ASAP1: variants seen among roughly 807,000 people sequenced by gnomAD.
ASAP1 encodes ArfGAP with SH3 domain, ankyrin repeat and PH domain 1, also known as arf-GAP with SH3 domain, ANK repeat and PH domain-containing protein 1.
In ASAP1, 43 loss-of-function variants were observed where a neutral mutation model predicts 145.2. The observed-to-expected ratio is 0.30, with a 90% CI of 0.23 to 0.38. ASAP1 has a LOEUF of 0.38. Ranked by LOEUF, ASAP1 falls within the 10% of genes least tolerant of loss-of-function variation. The pLI, the probability that ASAP1 is intolerant of heterozygous loss-of-function variation, is 1.00. For synonymous variants in ASAP1, 546 were observed against 515.5 expected, an observed-to-expected ratio of 1.06 and a Z score of -0.80; for missense variants, 1,018 against 1,355.3, an observed-to-expected ratio of 0.75 and a Z score of 3.91.
At chr8:130,395,374 G>A (rs1381725740) in intron 2 of ASAP1, among the ~76,000 whole-genome samples, 11 of 152,230 alleles carry the variant, frequency 7.2e-5, no homozygotes, top group Non-Finnish European at 1.3e-4. Flanking sequence ...GGTCTTTGCA[G>A]ATATAATTAA....
intron 11 of ASAP1, among the ~76,000 whole-genome samples, chr8:130,161,544 T>C (rs1293495465): frequency 4.6e-5 from 7 of 152,214 alleles, no homozygotes; most frequent in African/African-American, 1.2e-4. Flanking sequence ...ACTCTCACCA[T>C]ATCACTGTCC....
intron 12 of ASAP1, among the ~76,000 whole-genome samples, chr8:130,159,013 G>A (rs866533286): frequency 1.3e-5 from 2 of 152,160 alleles, no homozygotes; most frequent in South Asian, 4.2e-4. Flanking sequence ...TTACAGGCGT[G>A]AGCCACCGCG....
In ASAP1 at chr8:130,112,264, C is replaced by T. The variant is rs765514594; in HGVS notation, c.2231G>A (p.Ser744Asn). Residue 744 changes from serine (S) to asparagine (N), a missense_variant, in exon 24 of 30, where the codon AGC becomes AAC. Physicochemically the swap from Ser to Asn is conservative, Grantham distance 46. Coordinates refer to ENST00000518721, the MANE Select transcript of ASAP1 (RefSeq NM_018482.4). ...PRPQSFCHSS[S>N]ISPQDKLALP... ...TGCCAGCTTGTCCTGGGGGGAGATG[C>T]TGGAGGAGTGGCAGAAGCTCTGAGG... 1.2e-6 allele frequency: 2 copies of T among 1,614,144 alleles called. No homozygotes were observed. The highest frequency in any genetic ancestry group is 2.2e-5 in the East Asian group (1 of 44,886).
At chr8:130,169,623 C>T (rs1312498818) in intron 9 of ASAP1, among the ~76,000 whole-genome samples, 1 of 152,168 alleles carries the variant, frequency 6.6e-6, no homozygotes, top group African/African-American at 2.4e-5. Flanking sequence ...AAGCTTTATC[C>T]TACAACACAT....
intron 3 of ASAP1, among the ~76,000 whole-genome samples, chr8:130,272,449 C>T (rs1357844895): frequency 6.6e-6 from 1 of 152,142 alleles, no homozygotes; most frequent in Non-Finnish European, 1.5e-5. Context: ...TCTCAAAAAA[C>T]TAAAATAGAT....
At chr8:130,156,511 G>C (rs897705943) in intron 12 of ASAP1, among the ~76,000 whole-genome samples, 12 of 152,170 alleles carry the variant, frequency 7.9e-5, no homozygotes, top group African/African-American at 2.4e-4. Flanking sequence ...TCATACACTA[G>C]AGTATTTCAT....
chr8:130,358,422 A>C lies in ASAP1; in HGVS notation c.60-279T>G, dbSNP rs1197294508. On this transcript the variant is annotated intron_variant, in intron 2 of 29. Transcript: ENST00000518721. The surrounding 1 kb of genome is among the most constrained non-coding windows in gnomAD (Gnocchi z 4.1). ...CTCCGGGACCCGCCTCCCTCTGCTC[A>C]TGCCGGCGGCGGCAGCTCCTCAGCG... 1.4e-5 allele frequency among the ~76,000 whole-genome samples: 2 copies of C among 147,972 alleles called. No individual in the cohort carries two copies. Among genetic ancestry groups the C allele is most frequent in the Non-Finnish European group, 1.5e-5 (1 of 66,398 alleles).
At chr8:130,072,936 T>C (rs1268205633) in intron 27 of ASAP1, among the ~76,000 whole-genome samples, 4 of 150,650 alleles carry the variant, frequency 2.7e-5, no homozygotes, top group African/African-American at 9.8e-5. Context: ...TGGTGTCTGC[T>C]GCTTGGTGTG....
intron 20 of ASAP1, among the ~76,000 whole-genome samples, chr8:130,117,315 G>C (rs955195876): frequency 1.3e-5 from 2 of 152,218 alleles, no homozygotes; most frequent in African/African-American, 2.4e-5. Context: ...GAAGCGCAGA[G>C]AGGCTGAAGT....
At chr8:130,268,022 C>A (rs1423780037) in intron 3 of ASAP1, among the ~76,000 whole-genome samples, 1 of 152,154 alleles carries the variant, frequency 6.6e-6, no homozygotes, top group African/African-American at 2.4e-5. Context: ...CCATACACCC[C>A]AAGGAAATTG....
intron 28 of ASAP1, among the ~76,000 whole-genome samples, chr8:130,059,842 C>T (rs984780327): frequency 1.3e-5 from 2 of 151,972 alleles, no homozygotes; most frequent in African/African-American, 4.8e-5. Flanking sequence ...CTTTGAGAGG[C>T]CAAGATGGGA....
intron 4 of ASAP1, among the ~76,000 whole-genome samples, chr8:130,217,429 T>C (rs1034204539): frequency 1.3e-5 from 2 of 151,948 alleles, no homozygotes; most frequent in Admixed American, 6.6e-5. Flanking sequence ...TACTGCAGTA[T>C]TTTCTACCAC....
At chr8:130,171,634 C>T (rs958665675) in intron 9 of ASAP1, among the ~76,000 whole-genome samples, 1 of 152,174 alleles carries the variant, frequency 6.6e-6, no homozygotes. Context: ...TGGAGCCAAA[C>T]CCTATCAACC....
At chr8:130,390,342 C>T (rs72724475) in intron 2 of ASAP1, among the ~76,000 whole-genome samples, 9,514 of 152,322 alleles carry the variant, frequency 0.062, 295 homozygotes, top group Middle Eastern at 0.12. Flanking sequence ...GAAAGTTCTA[C>T]TGGAAAGTCT....
intron 3 of ASAP1, among the ~76,000 whole-genome samples, chr8:130,323,822 T>C (rs770553339): frequency 6.6e-6 from 1 of 152,120 alleles, no homozygotes; most frequent in Non-Finnish European, 1.5e-5. Flanking sequence ...TTGAGAGACA[T>C]CCTTGAGGGC....
chr8:130,275,340 T>C (rs1820814393), intron 3 of ASAP1, among the ~76,000 whole-genome samples: 1 of 152,246 alleles, frequency 6.6e-6, no homozygotes, highest in East Asian at 1.9e-4. Context: ...AGAAAGCCAC[T>C]AATTCACTTA....
chr8:130,261,852 G>C (rs1819920266), intron 3 of ASAP1, among the ~76,000 whole-genome samples: 1 of 151,928 alleles, frequency 6.6e-6, no homozygotes, highest in Non-Finnish European at 1.5e-5. Flanking sequence ...GTTAGTTTTT[G>C]TTCTTAGTTC....
In ASAP1 at chr8:130,378,010, C is replaced by T. The variant is rs148603629; in HGVS notation, c.60-19867G>A. ...ACAGGGAGACAGCCATGTAAACAGACAGTTACAACATAATGCAGAACAGTA... is the reference window on the plus strand; with the variant it reads ...ACAGGGAGACAGCCATGTAAACAGATAGTTACAACATAATGCAGAACAGTA... On this transcript the variant is annotated intron_variant, in intron 2 of 29. Transcript: ENST00000518721. Among the ~76,000 whole-genome samples, 5 of 152,350 alleles carry T rather than the reference C, an allele frequency of 3.3e-5. No individual in the cohort carries two copies. In the East Asian group the frequency reaches 9.6e-4, roughly 29 times the overall value.
chr8:130,351,769 G>A (rs555270660), intron 3 of ASAP1, among the ~76,000 whole-genome samples: 1 of 152,254 alleles, frequency 6.6e-6, no homozygotes, highest in East Asian at 1.9e-4. Flanking sequence ...CCGCCCCCAC[G>A]ATCCAATCAC....
Sources: gnomAD v4.1 joint callset for allele counts (sites outside exome capture counted in the v4.1 genomes callset) on GRCh38, gnomAD v4.1.1 for gene constraint, Gnocchi (gnomAD v3.1) non-coding constraint, MANE v1.5 for transcripts, NCBI Gene and HGNC (gene_info 2026-07-23, HGNC 2026-07-21) for gene names.